CFAP299: variants seen among roughly 807,000 people sequenced by gnomAD.
CFAP299 encodes the protein cilia- and flagella-associated protein 299.
Under a neutral mutation model 27.0 loss-of-function variants are expected in CFAP299, and 21 were observed. The ratio of observed to expected loss-of-function variants is 0.78; its 90% CI spans 0.55 to 1.12. The LOEUF is 1.12. Among genes scored for constraint, CFAP299 ranks in the 50% most tolerant of loss-of-function variants. CFAP299 has a pLI of 0.00. For missense variants in CFAP299, 310 were observed against 276.6 expected, an observed-to-expected ratio of 1.12 and a Z score of -0.86; for synonymous variants, 104 against 98.1, an observed-to-expected ratio of 1.06 and a Z score of -0.36.
At chr4:80,907,360 C>A (rs1462391509) in intron 4 of CFAP299, among the ~76,000 whole-genome samples, 7 of 152,186 alleles carry the variant, frequency 4.6e-5, no homozygotes. Context: ...ACTGTTCCAA[C>A]CTCTGCATGT....
intron 3 of CFAP299, among the ~76,000 whole-genome samples, chr4:80,814,001 G>T (rs1729294591): frequency 1.3e-5 from 2 of 151,902 alleles, no homozygotes; most frequent in African/African-American, 4.8e-5. Context: ...GTTTTAAAGA[G>T]TTAACGTATA....
rs530368538 is a variant in CFAP299 at position 80,423,746 on chromosome 4, G to T, written c.242+60862G>T. ...TTTCTCTCACTGTGTACAAGATTGG[G>T]CTGCCAGAATGGTGCTGAAATGTTC... On this transcript the variant is annotated intron_variant, in intron 2 of 5. Coordinates refer to ENST00000358105, the MANE Select transcript of CFAP299 (RefSeq NM_152770.3). Among the ~76,000 whole-genome samples, 8 of 152,272 alleles carry T rather than the reference G, an allele frequency of 5.3e-5. No homozygotes were observed. In the South Asian group the frequency reaches 1.7e-3, roughly 32 times the overall value.
chr4:80,830,042 T>C (rs550257855), intron 3 of CFAP299, among the ~76,000 whole-genome samples: 126 of 152,050 alleles, frequency 8.3e-4, no homozygotes, highest in Non-Finnish European at 1.6e-3. Context: ...CCAATACCCA[T>C]GCACTTAAAA....
chr4:80,941,661 A>AAAAAC (rs1553908274), intron 4 of CFAP299, among the ~76,000 whole-genome samples: 3 of 152,112 alleles, frequency 2.0e-5, no homozygotes, highest in Admixed American at 6.6e-5. Context: ...ATTTATTTAA[A>AAAAAC]AAAACAAAAC....
intron 2 of CFAP299, among the ~76,000 whole-genome samples, chr4:80,369,073 A>G (rs1361501963): frequency 6.6e-6 from 1 of 152,198 alleles, no homozygotes; most frequent in Non-Finnish European, 1.5e-5. Context: ...GTTATCCCAC[A>G]TGGGATGAAA....
chr4:80,962,645 T>C (rs984002043), intron 5 of CFAP299, among the ~76,000 whole-genome samples: 1 of 151,954 alleles, frequency 6.6e-6, no homozygotes, highest in African/African-American at 2.4e-5. Context: ...GGACACCCAC[T>C]TTTTTGTTTA....
Position 80,472,311 on chromosome 4 carries a change from A to G in CFAP299, c.242+109427A>G, listed in dbSNP as rs533180900. Among the ~76,000 whole-genome samples the G allele has an allele frequency of 6.1e-4, 93 of 152,336 alleles. 1 individual carries two copies. The highest frequency in any genetic ancestry group is 2.0e-3 in the African/African-American group (85 of 41,580). On this transcript the variant is annotated intron_variant, in intron 2 of 5. Transcript: ENST00000358105. ...TTGAGGCTTCTTAGGTTTCAGGTAC[A>G]TATATTAGAGTGAAAGAACTCTATA...
At chr4:80,805,804 G>T (rs1728835185) in intron 3 of CFAP299, among the ~76,000 whole-genome samples, 1 of 152,310 alleles carries the variant, frequency 6.6e-6, no homozygotes, top group South Asian at 2.1e-4. Context: ...AGCCTGGGAA[G>T]TTGAGGCTGC....
chr4:80,395,118 T>A (rs1337759697), intron 2 of CFAP299, among the ~76,000 whole-genome samples: 6 of 152,072 alleles, frequency 3.9e-5, no homozygotes, highest in African/African-American at 1.4e-4. Flanking sequence ...GTTTTTAATA[T>A]ATAGATACTA....
At chr4:80,406,280 G>C (rs1331062895) in intron 2 of CFAP299, among the ~76,000 whole-genome samples, 1 of 152,206 alleles carries the variant, frequency 6.6e-6, no homozygotes, top group Non-Finnish European at 1.5e-5. Flanking sequence ...ATCTCAGGAA[G>C]AGATATGTGG....
chr4:80,516,847 T>G (rs1479802134), intron 2 of CFAP299, among the ~76,000 whole-genome samples: 1 of 152,198 alleles, frequency 6.6e-6, no homozygotes, highest in Admixed American at 6.5e-5. Context: ...AGTATAATTA[T>G]TTCCTTAAGT....
intron 2 of CFAP299, among the ~76,000 whole-genome samples, chr4:80,463,868 A>G (rs1729577781): frequency 6.6e-6 from 1 of 152,098 alleles, no homozygotes; most frequent in Non-Finnish European, 1.5e-5. Context: ...AGTAAGAAAT[A>G]TTATTACTCC....
At chr4:80,631,839 C>T (rs1739219097) in intron 3 of CFAP299, among the ~76,000 whole-genome samples, 1 of 133,120 alleles carries the variant, frequency 7.5e-6, no homozygotes, top group African/African-American at 2.6e-5. Flanking sequence ...TAGGTTTAGG[C>T]TATCAGTCTG....
At chr4:80,556,462 G>C (rs566125501) in intron 2 of CFAP299, among the ~76,000 whole-genome samples, 20 of 151,852 alleles carry the variant, frequency 1.3e-4, no homozygotes, top group Non-Finnish European at 2.4e-4. Flanking sequence ...AGAACTTTAG[G>C]AATCTCATAC....
intron 3 of CFAP299, among the ~76,000 whole-genome samples, chr4:80,708,504 A>G (rs1721949172): frequency 6.6e-6 from 1 of 152,162 alleles, no homozygotes; most frequent in Non-Finnish European, 1.5e-5. Flanking sequence ...CTTCGTATAC[A>G]AATTCAATTG....
chr4:80,800,347 AAT>A (rs1491277554), intron 3 of CFAP299, among the ~76,000 whole-genome samples: 7 of 72,506 alleles, frequency 9.7e-5, no homozygotes, highest in East Asian at 9.2e-4. Context: ...TATAATATAT[AAT>A]ATATATGATA....
intron 2 of CFAP299, among the ~76,000 whole-genome samples, chr4:80,464,316 A>G (rs1291158279): frequency 6.6e-6 from 1 of 152,158 alleles, no homozygotes; most frequent in African/African-American, 2.4e-5. Flanking sequence ...TAGATGCTAT[A>G]TTTTCTATGG....
rs70956073 is a variant in CFAP299, at chr4:80,866,059, T to TTATA, written c.334-3900_334-3897dup. 9.9e-3 allele frequency among the ~76,000 whole-genome samples: 578 copies of TTATA among 58,314 alleles called. 23 individuals carry two copies. The highest frequency in any genetic ancestry group is 0.027 in the East Asian group (25 of 920). 38.3% of individuals were successfully genotyped at this position (58,314 alleles called of 152,430 possible). A position where few individuals can be genotyped will look rare whatever the true frequency, so the allele number is the denominator to read the frequency against. On this transcript the variant is annotated intron_variant, in intron 3 of 5. Transcript: ENST00000358105. Reference sequence around the variant, plus strand: ...CTTGTGCACCGTAGAACTTAAAGTATTATATATATATATATATATATATAT... The same window carrying TTATA: ...CTTGTGCACCGTAGAACTTAAAGTATTATATATATATATATATATATATATATAT...
Position 80,583,100 on chromosome 4 carries a change from A to T in CFAP299, c.250A>T (p.Thr84Ser), listed in dbSNP as rs146316801. The change falls in exon 3 of 6, where the codon ACA becomes TCA. Residue 84 changes from threonine (T) to serine (S), a missense_variant. Thr to Ser is a moderately conservative substitution (Grantham distance 58). Transcript: ENST00000358105. ...LAERAQQKTL[T>S]SAGKDLQDNF... ...AAGATCTGCCTTTTACAGGACGCTAACAAGTGCTGGTAAAGACCTACAAGA... is the reference window on the plus strand; with the variant it reads ...AAGATCTGCCTTTTACAGGACGCTATCAAGTGCTGGTAAAGACCTACAAGA... 518 of 1,600,496 alleles carry T rather than the reference A, an allele frequency of 3.2e-4. No homozygotes were observed. Among genetic ancestry groups the T allele is most frequent in the Non-Finnish European group, 4.2e-4 (488 of 1,171,476 alleles).
Sources: gnomAD v4.1 joint callset for allele counts (sites outside exome capture counted in the v4.1 genomes callset) on GRCh38, gnomAD v4.1.1 for gene constraint, MANE v1.5 for transcripts, NCBI Gene and HGNC (gene_info 2026-07-23, HGNC 2026-07-21) for gene names.